SLC16A2: variants seen among roughly 807,000 people sequenced by gnomAD.
SLC16A2 encodes the protein solute carrier family 16 member 2.
SLC16A2 carries 3 observed loss-of-function variants against 27.2 expected under a neutral mutation model. The ratio of observed to expected loss-of-function variants is 0.11; its 90% CI spans 0.05 to 0.28. SLC16A2 has a LOEUF of 0.28. SLC16A2 is among the 10% of genes least tolerant of loss of function. The pLI, the probability that SLC16A2 is intolerant of heterozygous loss-of-function variation, is 1.00. For synonymous variants in SLC16A2, 202 were observed against 187.8 expected, an observed-to-expected ratio of 1.08 and a Z score of -0.62; for missense variants, 295 against 458.5, an observed-to-expected ratio of 0.64 and a Z score of 3.26.
intron 1 of SLC16A2, among the ~76,000 whole-genome samples, chrX:74,433,967 G>A (rs1236945624): frequency 2.7e-5 from 3 of 112,032 alleles, no homozygotes; most frequent in African/African-American, 9.8e-5. Flanking sequence ...ATGAGATGAG[G>A]CATGTAAAAC....
At chrX:74,455,002 C>G in intron 1 of SLC16A2, among the ~76,000 whole-genome samples, 1 of 112,179 alleles carries the variant, frequency 8.9e-6, no homozygotes, top group Non-Finnish European at 1.9e-5. Context: ...ATGGCTGACT[C>G]ACACAAGTGG....
At chrX:74,477,918 A>G (rs1446342019) in intron 1 of SLC16A2, among the ~76,000 whole-genome samples, 19 of 111,840 alleles carry the variant, frequency 1.7e-4, no homozygotes, top group East Asian at 8.4e-4. Context: ...TATGTGGTCA[A>G]TTTTGGAATA....
rs1488396088 is a variant in SLC16A2 at position 74,524,536 on chromosome X, A to G, written c.753A>G (p.Arg251=). The change falls in exon 3 of 6, where the codon AGA becomes AGG. Residue 251 remains arginine, a synonymous_variant. Transcript: ENST00000587091. ...IFSMSFPFLI[R]MLGDKIKLAQ... is the part of the protein sequence containing the mutation. Reference sequence around the variant, plus strand: ...CCATGTCCTTCCCCTTCCTCATCAGAATGCTGGGGGATAAGATCAAGCTGG... The same window carrying G: ...CCATGTCCTTCCCCTTCCTCATCAGGATGCTGGGGGATAAGATCAAGCTGG... 2.2e-5 allele frequency: 27 copies of G among 1,208,908 alleles called. No homozygotes were observed. The highest frequency in any genetic ancestry group is 2.9e-5 in the Non-Finnish European group (26 of 894,961).
chrX:74,511,584 T>C (rs775094545), intron 1 of SLC16A2, among the ~76,000 whole-genome samples: 1 of 112,245 alleles, frequency 8.9e-6, no homozygotes, highest in Admixed American at 9.4e-5. Context: ...AAAAGTAAGA[T>C]ACTGAGAGGA....
intron 1 of SLC16A2, among the ~76,000 whole-genome samples, chrX:74,462,740 G>A (rs763269306): frequency 1.8e-5 from 2 of 112,150 alleles, no homozygotes; most frequent in Non-Finnish European, 3.8e-5. Flanking sequence ...CATGACCAAA[G>A]GGAAACATGA....
At chrX:74,456,010 A>G (rs187787357) in intron 1 of SLC16A2, among the ~76,000 whole-genome samples, 1 of 112,059 alleles carries the variant, frequency 8.9e-6, no homozygotes, top group African/African-American at 3.2e-5. Flanking sequence ...CTCTTTCCCA[A>G]GGAAGTCCCA....
At chrX:74,518,601 A>G (rs1461751073) in intron 1 of SLC16A2, among the ~76,000 whole-genome samples, 1 of 111,073 alleles carries the variant, frequency 9.0e-6, no homozygotes, top group African/African-American at 3.3e-5. Context: ...AGAAAAAAAA[A>G]AAAGAAAAAG....
chrX:74,445,287 T>G (rs1393842998), intron 1 of SLC16A2, among the ~76,000 whole-genome samples: 1 of 110,966 alleles, frequency 9.0e-6, no homozygotes, highest in Admixed American at 9.6e-5. Context: ...ACCATCAGTC[T>G]CCACGAATCA....
intron 1 of SLC16A2, among the ~76,000 whole-genome samples, chrX:74,508,012 G>A (rs1453476819): frequency 2.7e-5 from 3 of 111,789 alleles, no homozygotes; most frequent in Non-Finnish European, 5.6e-5. Flanking sequence ...TAAATATCTA[G>A]CAGTGGGATT....
chrX:74,484,364 T>C (rs1265706055), intron 1 of SLC16A2, among the ~76,000 whole-genome samples: 1 of 112,331 alleles, frequency 8.9e-6, no homozygotes, highest in African/African-American at 3.2e-5. Flanking sequence ...TTTAATTTCC[T>C]GGTTGACAAT....
In SLC16A2 at chrX:74,446,485, G is replaced by A. The variant is rs143056793; in HGVS notation, c.430+24418G>A. Among the ~76,000 whole-genome samples, 578 of 111,542 alleles carry A rather than the reference G, an allele frequency of 5.2e-3. 4 individuals carry two copies. The highest frequency in any genetic ancestry group is 0.018 in the African/African-American group (546 of 30,655). The stretch of plus-strand genomic sequence containing the variant: ...AAAATACAAAAATTAGCCAGGTGTG[G>A]TGGCACACGCCTGTAGTTCCACCTA... On this transcript the variant is annotated intron_variant, in intron 1 of 5. Transcript: ENST00000587091.
intron 1 of SLC16A2, among the ~76,000 whole-genome samples, chrX:74,423,768 T>C (rs971820584): frequency 1.8e-5 from 2 of 111,200 alleles, no homozygotes; most frequent in Non-Finnish European, 3.8e-5. Flanking sequence ...TGCTGTTGCC[T>C]AGGTTACCTC....
At chrX:74,499,935 A>G (rs897377205) in intron 1 of SLC16A2, among the ~76,000 whole-genome samples, 1 of 111,171 alleles carries the variant, frequency 9.0e-6, no homozygotes, top group African/African-American at 3.3e-5. Context: ...GGAAGGACAG[A>G]TTGGGTCTTA....
intron 1 of SLC16A2, among the ~76,000 whole-genome samples, chrX:74,495,190 CTG>C (rs1383937490): frequency 2.7e-5 from 3 of 110,958 alleles, no homozygotes; most frequent in Admixed American, 9.6e-5. Flanking sequence ...GAGGGGCTTT[CTG>C]TGTGTGTGTG....
chrX:74,490,008 C>CAT (rs1555986162), intron 1 of SLC16A2, among the ~76,000 whole-genome samples: 1 of 107,828 alleles, frequency 9.3e-6, no homozygotes, highest in South Asian at 4.1e-4. Flanking sequence ...CACACACACA[C>CAT]GCAAAGATCC....
intron 1 of SLC16A2, among the ~76,000 whole-genome samples, chrX:74,504,443 A>T (rs1270448330): frequency 9.0e-6 from 1 of 111,420 alleles, no homozygotes; most frequent in Non-Finnish European, 1.9e-5. Flanking sequence ...CCAGTACCCA[A>T]CCCAGACCCA....
intron 1 of SLC16A2, chrX:74,473,188 T>C: frequency 2.8e-6 from 2 of 723,936 alleles, no homozygotes; most frequent in Non-Finnish European, 4.3e-6. Flanking sequence ...GCCAAAATCA[T>C]TGTAGCTTCC....
intron 1 of SLC16A2, among the ~76,000 whole-genome samples, chrX:74,508,190 C>T (rs2147865481): frequency 8.9e-6 from 1 of 111,747 alleles, no homozygotes; most frequent in African/African-American, 3.2e-5. Flanking sequence ...ATTATTTTCT[C>T]AATTCTATGT....
intron 1 of SLC16A2, among the ~76,000 whole-genome samples, chrX:74,509,967 GT>G (rs1232265237): frequency 8.9e-6 from 1 of 112,330 alleles, no homozygotes; most frequent in Non-Finnish European, 1.9e-5. Flanking sequence ...TTCTTGTGAT[GT>G]TTTTTATCTG....
Sources: gnomAD v4.1 joint callset for allele counts (sites outside exome capture counted in the v4.1 genomes callset) on GRCh38, gnomAD v4.1.1 for gene constraint, MANE v1.5 for transcripts, NCBI Gene and HGNC (gene_info 2026-07-23, HGNC 2026-07-21) for gene names.